Variants in IGFBP7 observed in about 807,000 individuals in gnomAD.
The protein encoded by IGFBP7 is insulin-like growth factor-binding protein 7.
IGFBP7 carries 31 observed loss-of-function variants against 29.4 expected under a neutral mutation model. The observed-to-expected ratio is 1.05, with a 90% CI of 0.79 to 1.42. The LOEUF (loss-of-function observed/expected upper bound fraction) is 1.42, where lower values mean the gene tolerates loss of function less well. IGFBP7 is among the 40% of genes most tolerant of loss of function. The pLI is 0.00. For missense variants in IGFBP7, 393 were observed against 395.5 expected (o/e 0.99, Z 0.05); for synonymous variants, 172 against 174.9 (o/e 0.98, Z 0.13).
chr4:57,031,420 C>T, intron 4 of IGFBP7, 84 bp from the exon 5 acceptor site: 1 of 954,222 alleles, frequency 1.0e-6, no homozygotes, highest in Non-Finnish European at 1.7e-6. Flanking sequence ...TGAGTGTTTC[C>T]AAATAAATGA....
At chr4:57,062,951 A>G (rs1724833609) in intron 1 of IGFBP7, among the ~76,000 whole-genome samples, 1 of 152,178 alleles carries the variant, frequency 6.6e-6, no homozygotes, top group Admixed American at 6.6e-5. Context: ...ACTAAACTGT[A>G]AAATCCAGAA....
intron 1 of IGFBP7, among the ~76,000 whole-genome samples, chr4:57,100,959 G>A (rs958080718): frequency 6.6e-6 from 1 of 152,238 alleles, no homozygotes; most frequent in African/African-American, 2.4e-5. Context: ...GTTATGAGTA[G>A]CATATGAGGA....
chr4:57,089,606 C>A (rs557532655), intron 1 of IGFBP7, among the ~76,000 whole-genome samples: 1 of 152,334 alleles, frequency 6.6e-6, no homozygotes, highest in African/African-American at 2.4e-5. Context: ...CTTCTAGTCA[C>A]CCTTTGAATT....
chr4:57,109,641 TG>T, intron 1 of IGFBP7: 2 of 572,210 alleles, frequency 3.5e-6, no homozygotes, highest in Non-Finnish European at 6.0e-6. Flanking sequence ...CCTCACTTTC[TG>T]GACGCACGCA....
At chr4:57,048,582 G>C (rs1400653197) in intron 1 of IGFBP7, among the ~76,000 whole-genome samples, 1 of 152,174 alleles carries the variant, frequency 6.6e-6, no homozygotes, top group Non-Finnish European at 1.5e-5. Context: ...AAAAGACTTT[G>C]ACATGAAATT....
At chr4:57,035,475 G>T (rs1376926546) in intron 2 of IGFBP7, among the ~76,000 whole-genome samples, 1 of 151,602 alleles carries the variant, frequency 6.6e-6, no homozygotes, top group Non-Finnish European at 1.5e-5. Context: ...TTTTTTTTGA[G>T]ACAGAGTCTC....
chr4:57,099,742 AT>A (rs1725847726), intron 1 of IGFBP7, among the ~76,000 whole-genome samples: 1 of 152,058 alleles, frequency 6.6e-6, no homozygotes, highest in South Asian at 2.1e-4. Flanking sequence ...AGGTTTTCCT[AT>A]TTTTTGAGAC....
At chr4:57,065,861 C>T (rs550843574) in intron 1 of IGFBP7, among the ~76,000 whole-genome samples, 1 of 152,132 alleles carries the variant, frequency 6.6e-6, no homozygotes, top group East Asian at 1.9e-4. Flanking sequence ...ATCTTTGAGT[C>T]ATTTACTCCA....
At chr4:57,035,633 A>G (rs1384758046) in intron 2 of IGFBP7, among the ~76,000 whole-genome samples, 2 of 151,978 alleles carry the variant, frequency 1.3e-5, no homozygotes, top group African/African-American at 4.8e-5. Context: ...GCTAATTTTT[A>G]TAGTTTTAGT....
intron 1 of IGFBP7, among the ~76,000 whole-genome samples, chr4:57,051,949 C>T (rs1209200407): frequency 6.6e-6 from 1 of 152,140 alleles, no homozygotes; most frequent in East Asian, 1.9e-4. Context: ...AAACGCTGGC[C>T]TGCCTTGAAT....
intron 1 of IGFBP7, among the ~76,000 whole-genome samples, chr4:57,073,593 C>A (rs1258935638): frequency 2.0e-5 from 3 of 148,368 alleles, no homozygotes; most frequent in African/African-American, 5.0e-5. Context: ...GACCCTGACT[C>A]AAAAAAAAAA....
intron 1 of IGFBP7, among the ~76,000 whole-genome samples, chr4:57,048,404 T>C (rs936789076): frequency 1.3e-5 from 2 of 152,210 alleles, no homozygotes; most frequent in Admixed American, 6.5e-5. Context: ...TACCAGATTA[T>C]TTTAAGAATA....
At chr4:57,041,206 C>T (rs555237051) in intron 1 of IGFBP7, among the ~76,000 whole-genome samples, 1 of 152,214 alleles carries the variant, frequency 6.6e-6, no homozygotes, top group South Asian at 2.1e-4. Flanking sequence ...TAAATGAGTG[C>T]TAATTTACCA....
chr4:57,054,601 G>A (rs940852607), intron 1 of IGFBP7, among the ~76,000 whole-genome samples: 3 of 141,786 alleles, frequency 2.1e-5, no homozygotes, highest in African/African-American at 8.0e-5. Flanking sequence ...ATCACACCAC[G>A]GCACTCCAGC....
At chr4:57,076,125 G>A (rs962117790) in intron 1 of IGFBP7, among the ~76,000 whole-genome samples, 4 of 152,210 alleles carry the variant, frequency 2.6e-5, no homozygotes, top group Non-Finnish European at 5.9e-5. Context: ...TTCTTGGCTT[G>A]TAGATGGCTG....
intron 1 of IGFBP7, among the ~76,000 whole-genome samples, chr4:57,053,924 A>G (rs1301928348): frequency 6.6e-6 from 1 of 152,210 alleles, no homozygotes; most frequent in Admixed American, 6.5e-5. Flanking sequence ...GGAAGTTCCC[A>G]TAGGAAACTT....
At chr4:57,086,092 A>G (rs1299670853) in intron 1 of IGFBP7, among the ~76,000 whole-genome samples, 1 of 152,214 alleles carries the variant, frequency 6.6e-6, no homozygotes. Context: ...GGGAGGCCTC[A>G]CAATCATGGT....
intron 2 of IGFBP7, among the ~76,000 whole-genome samples, chr4:57,038,221 C>T (rs11133472): frequency 0.26 from 39,264 of 152,170 alleles, 5,826 homozygotes; most frequent in Middle Eastern, 0.39. Context: ...CCGACCTGGG[C>T]TTGAGCCCTT....
chr4:57,072,605 C>T (rs1163101798), intron 1 of IGFBP7: 2 of 270,730 alleles, frequency 7.4e-6, no homozygotes, highest in Non-Finnish European at 7.3e-6. Context: ...CCTAGATGGC[C>T]TGTCAAAACC....
Sources: gnomAD v4.1 joint callset for allele counts (sites outside exome capture counted in the v4.1 genomes callset) on GRCh38, gnomAD v4.1.1 for gene constraint, MANE v1.5 for transcripts, NCBI Gene and HGNC (gene_info 2026-07-23, HGNC 2026-07-21) for gene names.